ARHGAP6: variants seen among roughly 807,000 people sequenced by gnomAD.
ARHGAP6 encodes rho GTPase-activating protein 6.
A neutral mutation model predicts 55.7 loss-of-function variants in ARHGAP6; 16 were observed. The observed-to-expected ratio is 0.29, with a 90% CI of 0.19 to 0.44. The LOEUF is 0.44. ARHGAP6 is among the 20% of genes least tolerant of loss of function. The pLI, the probability that ARHGAP6 is intolerant of heterozygous loss-of-function variation, is 1.00. For missense variants in ARHGAP6, 698 were observed against 808.9 expected (o/e 0.86, Z 1.66); for synonymous variants, 382 against 360.9 (o/e 1.06, Z -0.66).
At chrX:11,663,186 T>G (rs938586248) in intron 1 of ARHGAP6, among the ~76,000 whole-genome samples, 2 of 112,565 alleles carry the variant, frequency 1.8e-5, no homozygotes, top group Non-Finnish European at 3.8e-5. Context: ...CTAACAGTTA[T>G]CTCACATTAA....
At chrX:11,427,254 C>T (rs2049890724) in intron 1 of ARHGAP6, among the ~76,000 whole-genome samples, 1 of 112,201 alleles carries the variant, frequency 8.9e-6, no homozygotes, top group Admixed American at 9.3e-5. Context: ...ATTTGTCAGC[C>T]TTTGTCAGCG....
chrX:11,358,164 T>C (rs1244101802), intron 1 of ARHGAP6, among the ~76,000 whole-genome samples: 1 of 112,331 alleles, frequency 8.9e-6, no homozygotes, highest in East Asian at 2.8e-4. Flanking sequence ...TCTGGATTCT[T>C]TACTTAGCAT....
At chrX:11,550,660 G>A (rs2051257093) in intron 1 of ARHGAP6, among the ~76,000 whole-genome samples, 1 of 111,652 alleles carries the variant, frequency 9.0e-6, no homozygotes, top group Admixed American at 9.5e-5. Flanking sequence ...ATGGAGGGAG[G>A]GGCCTTGATG....
intron 2 of ARHGAP6, among the ~76,000 whole-genome samples, chrX:11,230,737 C>T (rs1159467709): frequency 4.6e-5 from 5 of 107,795 alleles, no homozygotes; most frequent in South Asian, 4.0e-4. Context: ...TATGCATATA[C>T]GTATATGTGA....
chrX:11,360,520 G>A (rs1334156586), intron 1 of ARHGAP6, among the ~76,000 whole-genome samples: 69 of 109,037 alleles, frequency 6.3e-4, no homozygotes, highest in Non-Finnish European at 1.2e-3. Context: ...AATAATAAGA[G>A]CTATCTATGA....
chrX:11,588,487 A>G lies in ARHGAP6; in HGVS notation c.588+75754T>C, dbSNP rs7063080. 6.4e-3 allele frequency among the ~76,000 whole-genome samples: 719 copies of G among 112,474 alleles called. 5 individuals carry two copies. Among genetic ancestry groups the G allele is most frequent in the African/African-American group, 0.022 (671 of 30,968 alleles). On this transcript the variant is annotated intron_variant, in intron 1 of 12. Coordinates refer to ENST00000337414, the MANE Select transcript of ARHGAP6 (RefSeq NM_013427.3). ...ATACATAAATGTTCATAGCAGCATT[A>G]TTCACACTATCCAAAAGGTAGAAAC...
intron 1 of ARHGAP6, among the ~76,000 whole-genome samples, chrX:11,658,218 A>C (rs1433344263): frequency 3.6e-5 from 4 of 111,626 alleles, no homozygotes; most frequent in African/African-American, 6.5e-5. Context: ...TTCTGAGTCT[A>C]AACTTTGCTC....
intron 1 of ARHGAP6, among the ~76,000 whole-genome samples, chrX:11,544,756 C>T (rs1601631434): frequency 8.9e-6 from 1 of 112,080 alleles, no homozygotes; most frequent in Non-Finnish European, 1.9e-5. Context: ...CTCCATCAGC[C>T]TTTCAGAACC....
chrX:11,239,269 G>T lies in ARHGAP6; in HGVS notation c.748+15279C>A, dbSNP rs555505250. 7.2e-5 allele frequency among the ~76,000 whole-genome samples: 8 copies of T among 111,043 alleles called. No homozygotes were observed. In the South Asian group the frequency reaches 3.1e-3, roughly 43 times the overall value. The stretch of plus-strand genomic sequence containing the variant: ...TTATTCCAAAATTAAAAAAAAATAA[G>T]TCCTTTCTCCCAGGCACCAGATGTA... On this transcript the variant is annotated intron_variant, in intron 2 of 12. Coordinates refer to ENST00000337414, the MANE Select transcript of ARHGAP6 (RefSeq NM_013427.3).
intron 1 of ARHGAP6, among the ~76,000 whole-genome samples, chrX:11,532,517 T>C (rs1440085154): frequency 1.8e-5 from 2 of 112,400 alleles, no homozygotes; most frequent in African/African-American, 6.5e-5. Context: ...AAACTTCCCA[T>C]GCAAGATCCT....
intron 1 of ARHGAP6, among the ~76,000 whole-genome samples, chrX:11,473,276 T>A: frequency 9.0e-6 from 1 of 111,617 alleles, no homozygotes; most frequent in Middle Eastern, 4.6e-3. Context: ...TACAACATAG[T>A]AACCCCAAAA....
chrX:11,287,065 A>G (rs2047930146), intron 1 of ARHGAP6, among the ~76,000 whole-genome samples: 1 of 110,712 alleles, frequency 9.0e-6, no homozygotes, highest in Admixed American at 9.5e-5. Flanking sequence ...CATGAACTTT[A>G]TAGCATATAA....
At chrX:11,166,572 C>T (rs1173668624) in intron 9 of ARHGAP6, among the ~76,000 whole-genome samples, 2 of 112,160 alleles carry the variant, frequency 1.8e-5, no homozygotes, top group Non-Finnish European at 3.8e-5. Context: ...TCCACCCATG[C>T]AGATCAGCTT....
At chrX:11,346,090 C>T (rs1279895801) in intron 1 of ARHGAP6, among the ~76,000 whole-genome samples, 1 of 110,715 alleles carries the variant, frequency 9.0e-6, no homozygotes, top group East Asian at 2.8e-4. Flanking sequence ...CGTGCACCAC[C>T]ATGCTCAGTT....
intron 1 of ARHGAP6, among the ~76,000 whole-genome samples, chrX:11,656,157 A>C (rs1347135921): frequency 8.9e-6 from 1 of 112,532 alleles, no homozygotes; most frequent in Non-Finnish European, 1.9e-5. Flanking sequence ...CATTAAGCCC[A>C]AAGTCCAGCG....
intron 1 of ARHGAP6, among the ~76,000 whole-genome samples, chrX:11,275,542 C>G (rs2047748889): frequency 9.0e-6 from 1 of 111,731 alleles, no homozygotes; most frequent in Non-Finnish European, 1.9e-5. Context: ...CACTTCCTCT[C>G]TGGGAATGTC....
chrX:11,214,602 T>C (rs924677401), intron 2 of ARHGAP6, among the ~76,000 whole-genome samples: 16 of 112,875 alleles, frequency 1.4e-4, no homozygotes, highest in Admixed American at 3.7e-4. Context: ...GGAGCTGGAA[T>C]ATCGTGGGGA....
In ARHGAP6 at chrX:11,545,991, GTTTT is replaced by G. The variant is rs1473686419; in HGVS notation, c.588+118246_588+118249del. Among the ~76,000 whole-genome samples the G allele has an allele frequency of 8.1e-5, 9 of 110,814 alleles. No homozygotes were observed. In the East Asian group the frequency reaches 2.3e-3, roughly 28 times the overall value. ...TGATTTGCCCTGCAATTGACCTTCT[GTTTT>G]TATTCCTTTTTGAAGTCCTGCCTTC... On this transcript the variant is annotated intron_variant, in intron 1 of 12. Coordinates refer to ENST00000337414, the MANE Select transcript of ARHGAP6 (RefSeq NM_013427.3).
intron 1 of ARHGAP6, among the ~76,000 whole-genome samples, chrX:11,431,068 G>A (rs1021217436): frequency 6.2e-5 from 7 of 112,608 alleles, no homozygotes; most frequent in African/African-American, 2.3e-4. Context: ...GCAGCAAGAA[G>A]CACATAAAAC....
Sources: allele counts gnomAD v4.1 joint callset (sites outside exome capture counted in the v4.1 genomes callset), GRCh38; gene constraint gnomAD v4.1.1; transcripts MANE v1.5; gene names NCBI Gene and HGNC (gene_info 2026-07-23, HGNC 2026-07-21).